The following CHL1 variants were observed in gnomAD, a reference collection of about 807,000 sequenced individuals.
CHL1 encodes the protein neural cell adhesion molecule L1-like protein.
CHL1 carries 96 observed loss-of-function variants against 141.9 expected under a neutral mutation model. That is an observed-to-expected ratio of 0.68 (90% CI 0.57 to 0.80). CHL1 has a LOEUF of 0.80. Ranked by LOEUF, CHL1 falls within the 30% of genes least tolerant of loss-of-function variation. The pLI, the probability that CHL1 is intolerant of heterozygous loss-of-function variation, is 0.00. For synonymous variants in CHL1, 613 were observed against 502.2 expected (o/e 1.22, Z -2.95); for missense variants, 1,820 against 1,457.2 (o/e 1.25, Z -4.05).
At chr3:368,379 G>T (rs1363846335) in intron 15 of CHL1, among the ~76,000 whole-genome samples, 2 of 151,896 alleles carry the variant, frequency 1.3e-5, no homozygotes, top group Non-Finnish European at 2.9e-5. Flanking sequence ...TATGTTTGTT[G>T]GCCATGTAAA....
chr3:261,888 T>A (rs1207858001), intron 2 of CHL1, among the ~76,000 whole-genome samples: 1 of 152,064 alleles, frequency 6.6e-6, no homozygotes, highest in Non-Finnish European at 1.5e-5. Context: ...TAGTCAATAA[T>A]CGAGTTTGGG....
At position 377,863 on chromosome 3, in the gene CHL1, A is replaced by G. The variant is rs149981944; in HGVS notation, c.1797A>G (p.Leu599=). 1.2e-6 allele frequency: 2 copies of G among 1,611,394 alleles called. No individual in the cohort carries two copies. Among genetic ancestry groups the G allele is most frequent in the African/African-American group, 2.7e-5 (2 of 74,962 alleles). Residue 599 remains leucine (L), a synonymous_variant, in exon 16 of 28, where the codon TTA becomes TTG. Transcript: ENST00000256509. ...ATTTGACCATATCTAATGTAACTTT[A>G]GAGGACCAAGGTATTTACTGCTGTT... ...GANLTISNVT[L]EDQGIYCCSA... is the part of the protein sequence containing the mutation.
intron 2 of CHL1, among the ~76,000 whole-genome samples, chr3:259,099 T>A (rs368943872): frequency 6.6e-6 from 1 of 151,788 alleles, no homozygotes; most frequent in Non-Finnish European, 1.5e-5. Flanking sequence ...ATGCATGTCT[T>A]TTTTTTAGAG....
At chr3:242,412 C>A (rs60724280) in intron 1 of CHL1, among the ~76,000 whole-genome samples, 2 of 138,536 alleles carry the variant, frequency 1.4e-5, no homozygotes, top group Non-Finnish European at 3.1e-5. Context: ...CTGGCTAACA[C>A]GGTGAAACCC....
chr3:291,276 T>C (rs761782804), intron 2 of CHL1, among the ~76,000 whole-genome samples: 7 of 152,204 alleles, frequency 4.6e-5, no homozygotes, highest in South Asian at 2.1e-4. Context: ...AAACTTAAAC[T>C]CATAATGATG....
intron 5 of CHL1, among the ~76,000 whole-genome samples, chr3:339,490 G>T (rs1036950164): frequency 6.6e-6 from 1 of 152,116 alleles, no homozygotes; most frequent in African/African-American, 2.4e-5. Flanking sequence ...CTTATAGAAC[G>T]AGTTGAGCAA....
intron 26 of CHL1, among the ~76,000 whole-genome samples, chr3:399,361 G>T (rs1297870278): frequency 6.6e-6 from 1 of 152,136 alleles, no homozygotes; most frequent in Non-Finnish European, 1.5e-5. Context: ...GGCTCTAACT[G>T]CCGGGCGCAG....
intron 2 of CHL1, among the ~76,000 whole-genome samples, chr3:309,619 C>G (rs1699583754): frequency 6.6e-6 from 1 of 151,924 alleles, no homozygotes; most frequent in Non-Finnish European, 1.5e-5. Context: ...AAGCAATCCT[C>G]CAACCTTGGC....
chr3:286,624 A>AAC (rs1179857604), intron 2 of CHL1, among the ~76,000 whole-genome samples: 1 of 151,852 alleles, frequency 6.6e-6, no homozygotes, highest in Non-Finnish European at 1.5e-5. Flanking sequence ...AAAAAAAAAA[A>AAC]AAAATTAAAC....
intron 1 of CHL1, among the ~76,000 whole-genome samples, chr3:201,434 T>A (rs1240061872): frequency 6.6e-6 from 1 of 152,232 alleles, no homozygotes; most frequent in Non-Finnish European, 1.5e-5. Flanking sequence ...TTCACATAAT[T>A]TATTCCTAGT....
chr3:368,202 A>G (rs568937434), intron 15 of CHL1, among the ~76,000 whole-genome samples: 2 of 152,302 alleles, frequency 1.3e-5, no homozygotes, highest in South Asian at 4.2e-4. Flanking sequence ...GAACTAATTT[A>G]CATTCCCACC....
chr3:300,297 GT>G (rs776749379), intron 2 of CHL1, among the ~76,000 whole-genome samples: 1 of 152,246 alleles, frequency 6.6e-6, no homozygotes, highest in East Asian at 1.9e-4. Flanking sequence ...GATTTACTGA[GT>G]TTGTGGGGGC....
chr3:290,016 A>G (rs2125335178), intron 2 of CHL1, among the ~76,000 whole-genome samples: 1 of 143,688 alleles, frequency 7.0e-6, no homozygotes, highest in East Asian at 2.1e-4. Flanking sequence ...ACTCATAGCC[A>G]ATAGCACCGT....
rs331862 is a variant in CHL1, at chr3:264,418, G to A, written c.-95+19726G>A. Among the ~76,000 whole-genome samples, 287 of 152,218 alleles carry A rather than the reference G, an allele frequency of 1.9e-3. 1 individual carries two copies. Among genetic ancestry groups the A allele is most frequent in the African/African-American group, 6.6e-3 (274 of 41,550 alleles). ...AACATATAACAGAATGGTAGAATTA[G>A]TTTTGAAAGCCATACTCTGAAGGAA... On this transcript the variant is annotated intron_variant, in intron 2 of 27. Coordinates refer to ENST00000256509, the MANE Select transcript of CHL1 (RefSeq NM_006614.4).
intron 5 of CHL1, among the ~76,000 whole-genome samples, chr3:332,760 C>T (rs945481753): frequency 7.9e-5 from 12 of 152,100 alleles, no homozygotes; most frequent in Non-Finnish European, 1.2e-4. Context: ...TGTGGTTGAT[C>T]ATCGTTAAAC....
Position 361,775 on chromosome 3 carries a change from C to T in CHL1, c.1383C>T (p.Cys461=), listed in dbSNP as rs747335710. 4.3e-6 allele frequency: 7 copies of T among 1,613,292 alleles called. No individual in the cohort carries two copies. Among genetic ancestry groups the T allele is most frequent in the East Asian group, 2.2e-5 (1 of 44,882 alleles). The change falls in exon 13 of 28, where the codon TGC becomes TGT. Residue 461 remains cysteine (C), a synonymous_variant. Coordinates refer to ENST00000256509, the MANE Select transcript of CHL1 (RefSeq NM_006614.4). ...TTGGGTACAGTGCTTTCTTACATTG[C>T]GAGTTCTTTGCTTCACCTGAGGCAG... The part of the protein sequence containing the change: ...TVVGYSAFLH[C]EFFASPEAVV...
chr3:330,419 A>G (rs1338820691), intron 5 of CHL1, among the ~76,000 whole-genome samples: 1 of 152,120 alleles, frequency 6.6e-6, no homozygotes, highest in Middle Eastern at 3.2e-3. Flanking sequence ...TTATTAGGTA[A>G]CATAATTTTA....
intron 15 of CHL1, among the ~76,000 whole-genome samples, chr3:373,162 G>T (rs73105023): frequency 6.6e-6 from 1 of 152,206 alleles, no homozygotes; most frequent in African/African-American, 2.4e-5. Flanking sequence ...GGGGGAAACC[G>T]ACTTGTCTGG....
intron 2 of CHL1, among the ~76,000 whole-genome samples, chr3:286,198 C>A (rs1697125117): frequency 6.6e-6 from 1 of 152,178 alleles, no homozygotes; most frequent in Non-Finnish European, 1.5e-5. Context: ...CTTATCACAA[C>A]CCTTAATGTT....
Sources: allele counts gnomAD v4.1 joint callset (sites outside exome capture counted in the v4.1 genomes callset), GRCh38; gene constraint gnomAD v4.1.1; transcripts MANE v1.5; gene names NCBI Gene and HGNC (gene_info 2026-07-23, HGNC 2026-07-21).